Variants in PDS5B observed in about 807,000 individuals in gnomAD.
PDS5B encodes PDS5 cohesin associated factor B.
PDS5B carries 51 observed loss-of-function variants against 184.1 expected under a neutral mutation model. The ratio of observed to expected loss-of-function variants is 0.28; its 90% CI spans 0.22 to 0.35. The LOEUF is 0.35. Ranked by LOEUF, PDS5B falls within the 10% of genes least tolerant of loss-of-function variation. The pLI is 1.00. For missense variants in PDS5B, 1,180 were observed against 1,723.3 expected (o/e 0.68, Z 5.58); for synonymous variants, 566 against 569.2 (o/e 0.99, Z 0.08).
chr13:32,660,211 ACC>A (rs1950607517), intron 6 of PDS5B, among the ~76,000 whole-genome samples: 1 of 152,060 alleles, frequency 6.6e-6, no homozygotes, highest in Non-Finnish European at 1.5e-5. Context: ...GCCTCTGGTG[ACC>A]ACAGGAGAGA....
intron 6 of PDS5B, among the ~76,000 whole-genome samples, 200 bp from the exon 7 acceptor site, chr13:32,667,564 A>G (rs1950834508): frequency 6.6e-6 from 1 of 152,192 alleles, no homozygotes; most frequent in African/African-American, 2.4e-5. Flanking sequence ...AGAGAATATA[A>G]TTATCCTTAC....
chr13:32,622,001 T>C (rs868384681), intron 1 of PDS5B, among the ~76,000 whole-genome samples: 2 of 152,208 alleles, frequency 1.3e-5, no homozygotes, highest in Non-Finnish European at 2.9e-5. Flanking sequence ...TCATTTTTTT[T>C]CCCTAATGTT....
At chr13:32,740,994 C>A in intron 21 of PDS5B, 86 bp from the exon 22 acceptor site, 1 of 760,848 alleles carries the variant, frequency 1.3e-6, no homozygotes, top group Non-Finnish European at 2.2e-6. Context: ...GTACAGATTT[C>A]ATTCATTTTC....
At chr13:32,600,961 G>C (rs887905546) in intron 1 of PDS5B, among the ~76,000 whole-genome samples, 16 of 152,094 alleles carry the variant, frequency 1.1e-4, no homozygotes, top group African/African-American at 3.9e-4. Flanking sequence ...ATATTTTTGA[G>C]GCTTCCCTAC....
chr13:32,686,230 C>T (rs1209667916), intron 11 of PDS5B, among the ~76,000 whole-genome samples: 1 of 152,170 alleles, frequency 6.6e-6, no homozygotes, highest in Non-Finnish European at 1.5e-5. Flanking sequence ...GCCAGATGCA[C>T]TGTAACAAAT....
chr13:32,709,168 C>T (rs1341781735), intron 18 of PDS5B, among the ~76,000 whole-genome samples: 1 of 151,634 alleles, frequency 6.6e-6, no homozygotes, highest in African/African-American at 2.4e-5. Context: ...CTGCTGTGTG[C>T]TGTTTTTTTT....
Position 32,742,675 on chromosome 13 carries a change from C to G in PDS5B, c.2560C>G (p.Leu854Val). The G allele has an allele frequency of 6.2e-7, 1 of 1,611,604 alleles. No homozygotes were observed. The highest frequency in any genetic ancestry group is 8.5e-7 in the Non-Finnish European group (1 of 1,178,142). ...ATCAGGAACTTCTACCTTAAGATTG[C>G]TAACAACAATATTGCATAGTGATGG... Reference protein sequence around the residue: ...SKSGTSTLRLLTTILHSDGDL... With the variant: ...SKSGTSTLRLVTTILHSDGDL... Residue 854 changes from leucine (L) to valine (V), a missense_variant, in exon 23 of 35, where the codon CTA becomes GTA. By Grantham distance (32) the Leu-to-Val change is conservative. Around this residue, in one of 11 missense-constraint regions of PDS5B, gnomAD observed 475 missense variants for 691.5 expected, o/e 0.69. Transcript: ENST00000315596.
chr13:32,743,203 G>A (rs1013987143), intron 23 of PDS5B, among the ~76,000 whole-genome samples: 1 of 151,952 alleles, frequency 6.6e-6, no homozygotes, highest in Non-Finnish European at 1.5e-5. Context: ...GTACAGTGTA[G>A]TGATTGAAAA....
intron 1 of PDS5B, among the ~76,000 whole-genome samples, chr13:32,622,723 AT>A (rs935564339): frequency 6.6e-6 from 1 of 152,056 alleles, no homozygotes; most frequent in Middle Eastern, 3.4e-3. Flanking sequence ...ATATAAATTA[AT>A]TTTTTTCTGA....
chr13:32,597,672 CCTGTCTCTA>C (rs1006123397), intron 1 of PDS5B, among the ~76,000 whole-genome samples: 5 of 151,560 alleles, frequency 3.3e-5, no homozygotes, highest in Non-Finnish European at 2.9e-5. Context: ...ATGGTGAAAC[CCTGTCTCTA>C]CTAAAAAATA....
chr13:32,713,152 T>TA (rs1952261143), intron 19 of PDS5B, among the ~76,000 whole-genome samples: 1 of 152,198 alleles, frequency 6.6e-6, no homozygotes, highest in Non-Finnish European at 1.5e-5. Context: ...AAAAAGGACT[T>TA]ACTACCTTTA....
intron 6 of PDS5B, among the ~76,000 whole-genome samples, chr13:32,666,696 T>A (rs1352947955): frequency 6.6e-6 from 1 of 152,148 alleles, no homozygotes; most frequent in Non-Finnish European, 1.5e-5. Context: ...GTACAGACAG[T>A]TCCTGACTTA....
intron 1 of PDS5B, among the ~76,000 whole-genome samples, chr13:32,609,338 A>T (rs74045209): frequency 0.015 from 2,223 of 152,266 alleles, 55 homozygotes; most frequent in African/African-American, 0.051. Flanking sequence ...TTGGTTAATT[A>T]TATACAGAGA....
chr13:32,593,303 T>C (rs1168624566), intron 1 of PDS5B, among the ~76,000 whole-genome samples: 1 of 152,226 alleles, frequency 6.6e-6, no homozygotes, highest in African/African-American at 2.4e-5. Context: ...ACTCCACATA[T>C]AACTTTTATT....
chr13:32,590,094 A>C (rs923984860), intron 1 of PDS5B, among the ~76,000 whole-genome samples: 11 of 152,252 alleles, frequency 7.2e-5, no homozygotes, highest in African/African-American at 2.7e-4. Flanking sequence ...AGGTTTAAAA[A>C]GTATAATCAT....
At chr13:32,717,535 C>T (rs1952498962) in intron 19 of PDS5B, among the ~76,000 whole-genome samples, 1 of 135,796 alleles carries the variant, frequency 7.4e-6, no homozygotes. Context: ...TCTCAAGTAC[C>T]CAGGGACACA....
intron 6 of PDS5B, among the ~76,000 whole-genome samples, chr13:32,661,042 G>A (rs141537909): frequency 6.6e-6 from 1 of 152,248 alleles, no homozygotes; most frequent in Admixed American, 6.5e-5. Flanking sequence ...GGTAAAAAAT[G>A]TAATAACTAG....
At chr13:32,676,434 G>A (rs1439731905) in intron 9 of PDS5B, among the ~76,000 whole-genome samples, 1 of 152,042 alleles carries the variant, frequency 6.6e-6, no homozygotes, top group Non-Finnish European at 1.5e-5. Flanking sequence ...TGCATGGTTT[G>A]AATGATGCAT....
At chr13:32,717,158 C>T (rs1469452553) in intron 19 of PDS5B, among the ~76,000 whole-genome samples, 3 of 152,378 alleles carry the variant, frequency 2.0e-5, no homozygotes, top group Admixed American at 6.5e-5. Context: ...TGAGGAGCCC[C>T]TCTGCCAGGC....
Sources: allele counts gnomAD v4.1 joint callset (sites outside exome capture counted in the v4.1 genomes callset), GRCh38; gene constraint gnomAD v4.1.1; regional missense constraint gnomAD v4.1.1; transcripts MANE v1.5; gene names NCBI Gene and HGNC (gene_info 2026-07-23, HGNC 2026-07-21).